Variants in RAB23 observed in about 807,000 individuals in gnomAD.
RAB23 encodes the protein RAB23, member RAS oncogene family.
Under a neutral mutation model 30.0 loss-of-function variants are expected in RAB23, and 15 were observed. That is an observed-to-expected ratio of 0.50 (90% confidence interval 0.33 to 0.77). RAB23 has a LOEUF of 0.77. Ranked by LOEUF, RAB23 falls within the 30% of genes least tolerant of loss-of-function variation. RAB23 has a pLI of 0.02. For missense variants in RAB23, 243 were observed against 275.4 expected (o/e 0.88, Z 0.83); for synonymous variants, 93 against 94.0 (o/e 0.99, Z 0.06).
At position 57,188,263 on chromosome 6, in the gene RAB23, C is replaced by G. The variant is rs1764687895; in HGVS notation, c.*2198G>C. The G allele has an allele frequency of 6.6e-6, 1 of 152,040 alleles. No homozygotes were observed. 9.4% of individuals were successfully genotyped at this position (152,040 alleles called of 1,614,324 possible). On this transcript the variant is annotated 3_prime_UTR_variant, in exon 7 of 7. Transcript: ENST00000468148. ...TTAACATGGCTGACTTTCAGGCCTA[C>G]TTAATTATTTTAAATGACTAATTAT...
At chr6:57,219,919 A>T (rs1354202071) in intron 1 of RAB23, among the ~76,000 whole-genome samples, 2 of 152,354 alleles carry the variant, frequency 1.3e-5, no homozygotes, top group South Asian at 2.1e-4. Flanking sequence ...GGAAAAACTG[A>T]TACTGGACTT....
At chr6:57,203,895 G>C (rs945580218) in intron 3 of RAB23, among the ~76,000 whole-genome samples, 4 of 152,136 alleles carry the variant, frequency 2.6e-5, no homozygotes, top group South Asian at 2.1e-4. Flanking sequence ...ACAGTAAATA[G>C]AGTGGTAAGT....
intron 3 of RAB23, among the ~76,000 whole-genome samples, chr6:57,201,776 TA>T (rs1593216629): frequency 1.3e-5 from 2 of 152,150 alleles, no homozygotes; most frequent in Non-Finnish European, 2.9e-5. Context: ...AAAGTCACAG[TA>T]AAAAACTGTA....
At chr6:57,210,873 T>G (rs1765629977) in intron 1 of RAB23, among the ~76,000 whole-genome samples, 3 of 152,216 alleles carry the variant, frequency 2.0e-5, no homozygotes, top group Admixed American at 6.5e-5. Context: ...ATAGTGAAAG[T>G]TATGCATTCA....
At chr6:57,213,621 C>G (rs1003405880) in intron 1 of RAB23, among the ~76,000 whole-genome samples, 1 of 151,932 alleles carries the variant, frequency 6.6e-6, no homozygotes, top group African/African-American at 2.4e-5. Flanking sequence ...ACATTTTTCC[C>G]TATTCCTTCC....
chr6:57,207,573 A>G (rs1411528268), intron 3 of RAB23, 55 bp downstream of exon 3: 4 of 1,296,016 alleles, frequency 3.1e-6, no homozygotes, highest in Non-Finnish European at 4.5e-6. Flanking sequence ...AAAATTATTT[A>G]TTTAGCCAAA....
chr6:57,198,817 C>T (rs2127999388), intron 3 of RAB23, among the ~76,000 whole-genome samples: 1 of 151,904 alleles, frequency 6.6e-6, no homozygotes, highest in Non-Finnish European at 1.5e-5. Flanking sequence ...AGACACTTAA[C>T]CAAAAAAACC....
chr6:57,191,727 G>A (rs1018092660), intron 6 of RAB23, among the ~76,000 whole-genome samples: 1 of 152,182 alleles, frequency 6.6e-6, no homozygotes, highest in African/African-American at 2.4e-5. Context: ...TAGGATTACA[G>A]GCATGAGCCA....
rs961452990 is a variant in RAB23, at chr6:57,222,291, G to C, written c.-631C>G. ...CTCGACTCCCCTCATCTGTGGACCC[G>C]CCGCGCTGCGGAGCATGCGCCGTGC... is the stretch of plus-strand genomic sequence containing the variant. On this transcript the variant is annotated 5_prime_UTR_variant, in exon 1 of 7. Transcript: ENST00000468148. The C allele has an allele frequency of 6.6e-6, 1 of 152,232 alleles. No homozygotes were observed. Among genetic ancestry groups the C allele is most frequent in the Non-Finnish European group, 1.5e-5 (1 of 68,114 alleles). The allele number at this position is 152,232 out of a possible 1,614,324, so 9.4% of individuals were successfully genotyped here.
chr6:57,203,006 T>TTG (rs1270695903), intron 3 of RAB23, among the ~76,000 whole-genome samples: 18 of 137,572 alleles, frequency 1.3e-4, no homozygotes, highest in African/African-American at 4.7e-4. Context: ...GGCTGTTTTT[T>TTG]TTTTTTTTTT....
chr6:57,200,415 T>C (rs1765205570), intron 3 of RAB23, among the ~76,000 whole-genome samples: 1 of 150,848 alleles, frequency 6.6e-6, no homozygotes, highest in Admixed American at 6.7e-5. Context: ...TGGGCACCTG[T>C]AGTCCCAGCT....
At position 57,196,298 on chromosome 6, in the gene RAB23, G is replaced by T. The variant is rs1765019705; in HGVS notation, c.398+152C>A. 3 of 874,020 alleles carry T rather than the reference G, an allele frequency of 3.4e-6. No homozygotes were observed. The highest frequency in any genetic ancestry group is 5.3e-6 in the Non-Finnish European group (3 of 570,992). 54.1% of individuals were successfully genotyped at this position (874,020 alleles called of 1,614,324 possible). A position where few individuals can be genotyped will look rare whatever the true frequency, so the allele number is the denominator to read the frequency against. ...AACCAATCACATAGAATAGCTCACA[G>T]AAATTTTAGGTAAATTAAAATATTT... On this transcript the variant is annotated intron_variant, in intron 4 of 6. Coordinates refer to ENST00000468148, the MANE Select transcript of RAB23 (RefSeq NM_016277.5).
At chr6:57,213,441 G>C (rs898832017) in intron 1 of RAB23, among the ~76,000 whole-genome samples, 6 of 152,146 alleles carry the variant, frequency 3.9e-5, no homozygotes, top group African/African-American at 1.2e-4. Context: ...TGTTCATCCA[G>C]CTGTATCTCA....
At position 57,205,590 on chromosome 6, in the gene RAB23, G is replaced by C. The variant is rs369919160; in HGVS notation, c.241+2038C>G. Among the ~76,000 whole-genome samples, 65 of 152,286 alleles carry C rather than the reference G, an allele frequency of 4.3e-4. 2 individuals are homozygous for C. In the South Asian group the frequency reaches 0.013, roughly 31 times the overall value. On this transcript the variant is annotated intron_variant, in intron 3 of 6. Transcript: ENST00000468148. ...AATTAGCTAAAAAAAATTATTAACT[G>C]TTCAGGGATGAGGGCCACAGAAAGT...
In RAB23 at chr6:57,190,286, C is replaced by A; in HGVS notation, c.*175G>T. ...AGTCCACAGGGCAATAATTTTTCCA[C>A]CAGAGGTCTCACTCTACATTCTGAA... On this transcript the variant is annotated 3_prime_UTR_variant, in exon 7 of 7. Coordinates refer to ENST00000468148, the MANE Select transcript of RAB23 (RefSeq NM_016277.5). 1 of 703,734 alleles carries A rather than the reference C, an allele frequency of 1.4e-6. No homozygotes were observed. The allele number at this position is 703,734 out of a possible 1,614,324, so 43.6% of individuals were successfully genotyped here.
At position 57,193,016 on chromosome 6, in the gene RAB23, G is replaced by A. The variant is rs533935473; in HGVS notation, c.574+826C>T. ...CAAAACCACCTTTAAATGTTGGATT[G>A]AAGAGAATCTGCATTTACTTTGTTC... On this transcript the variant is annotated intron_variant, in intron 6 of 6. Coordinates refer to ENST00000468148, the MANE Select transcript of RAB23 (RefSeq NM_016277.5). Among the ~76,000 whole-genome samples, 3 of 152,272 alleles carry A rather than the reference G, an allele frequency of 2.0e-5. No homozygotes were observed. The South Asian group carries it at 6.2e-4, about 32-fold the overall frequency.
chr6:57,221,607 C>T (rs1159527091), intron 1 of RAB23, 119 bp downstream of exon 1: 2 of 152,556 alleles, frequency 1.3e-5, no homozygotes, highest in African/African-American at 4.8e-5. Context: ...CCCGGGTCGC[C>T]CCTTCCCCAG....
At chr6:57,213,744 T>G (rs1285611675) in intron 1 of RAB23, among the ~76,000 whole-genome samples, 1 of 151,952 alleles carries the variant, frequency 6.6e-6, no homozygotes, top group Non-Finnish European at 1.5e-5. Context: ...TTTCCTTGAG[T>G]TCTTTTTACC....
At chr6:57,203,608 C>T (rs1765348900) in intron 3 of RAB23, among the ~76,000 whole-genome samples, 1 of 151,774 alleles carries the variant, frequency 6.6e-6, no homozygotes, top group African/African-American at 2.4e-5. Context: ...GGTAATAACC[C>T]CATTAAAAAA....
Sources: gnomAD v4.1 joint callset for allele counts (sites outside exome capture counted in the v4.1 genomes callset) on GRCh38, gnomAD v4.1.1 for gene constraint, MANE v1.5 for transcripts, NCBI Gene and HGNC (gene_info 2026-07-23, HGNC 2026-07-21) for gene names.